QTRT2: variants seen among roughly 807,000 people sequenced by gnomAD.
The protein encoded by QTRT2 is queuine tRNA-ribosyltransferase accessory subunit 2, also known as queuine tRNA-ribosyltransferase domain containing 1.
QTRT2 carries 32 observed loss-of-function variants against 44.8 expected under a neutral mutation model. That is an observed-to-expected ratio of 0.71 (90% confidence interval 0.54 to 0.96). The LOEUF is 0.96. Ranked by LOEUF, QTRT2 falls within the 40% of genes least tolerant of loss-of-function variation. The probability of loss-of-function intolerance (pLI) is 0.00; values close to 1 mark genes in which losing one functional copy is unlikely to be tolerated. For missense variants in QTRT2, 461 were observed against 503.1 expected (o/e 0.92, Z 0.80); for synonymous variants, 182 against 187.4 (o/e 0.97, Z 0.24).
At chr3:114,067,396 G>A (rs1542659) in intron 4 of QTRT2, among the ~76,000 whole-genome samples, 82,425 of 151,866 alleles carry the variant, frequency 0.54, 22,728 homozygotes, top group African/African-American at 0.63. Context: ...ATGATATTTA[G>A]GCACATGGTT....
intron 6 of QTRT2, among the ~76,000 whole-genome samples, chr3:114,073,762 C>CT (rs2077054264): frequency 6.6e-6 from 1 of 151,732 alleles, no homozygotes. Flanking sequence ...TAATAGTGCC[C>CT]CCCCATTCTT....
chr3:114,066,344 G>A, intron 4 of QTRT2, 61 bp downstream of exon 4: 1 of 959,002 alleles, frequency 1.0e-6, no homozygotes, highest in Non-Finnish European at 1.7e-6. Context: ...TGGAGGTGCT[G>A]TTACCTCTTT....
rs912351629 is a variant in QTRT2, at chr3:114,086,864, T to C, written c.*960T>C. 2 of 152,250 alleles carry C rather than the reference T, an allele frequency of 1.3e-5. No homozygotes were observed. The highest frequency in any genetic ancestry group is 1.3e-4 in the Admixed American group (2 of 15,288). The allele number at this position is 152,250 out of a possible 1,614,324, so 9.4% of individuals were successfully genotyped here. On this transcript the variant is annotated 3_prime_UTR_variant, in exon 10 of 10. Transcript: ENST00000281273. ...TAATGGATAGGAATGAATGAACTTT[T>C]AAGATACTGTCTAGCTCTAAAATTG...
intron 5 of QTRT2, among the ~76,000 whole-genome samples, chr3:114,069,515 A>G (rs2076997405): frequency 6.6e-6 from 1 of 152,054 alleles, no homozygotes; most frequent in Non-Finnish European, 1.5e-5. Context: ...CTGTTCCTGC[A>G]TTTGTTTGCT....
At chr3:114,080,978 A>G (rs770979649) in intron 8 of QTRT2, among the ~76,000 whole-genome samples, 1 of 152,230 alleles carries the variant, frequency 6.6e-6, no homozygotes, top group African/African-American at 2.4e-5. Flanking sequence ...GTCCTTTTAG[A>G]CAGACCAGAA....
At chr3:114,076,667 A>C (rs1341283879) in intron 6 of QTRT2, 76 bp from the exon 7 acceptor site, 4 of 1,385,864 alleles carry the variant, frequency 2.9e-6, no homozygotes, top group Non-Finnish European at 4.1e-6. Flanking sequence ...TATACATTGG[A>C]CTTCCATGTA....
chr3:114,076,318 C>T (rs907613115), intron 6 of QTRT2, among the ~76,000 whole-genome samples: 3 of 152,166 alleles, frequency 2.0e-5, no homozygotes, highest in Non-Finnish European at 2.9e-5. Context: ...AGGCACAAGC[C>T]ACCGTGCCCA....
Position 114,056,738 on chromosome 3 carries a change from G to C in QTRT2, c.-256G>C, listed in dbSNP as rs1262793576. 6.5e-6 allele frequency: 9 copies of C among 1,394,290 alleles called. No homozygotes were observed. In the East Asian group the frequency reaches 2.0e-4, roughly 31 times the overall value. 86.4% of individuals were successfully genotyped at this position (1,394,290 alleles called of 1,614,324 possible). ...TTTTCTGGCGCCCAGTGATGACGCA[G>C]TACTCCCTGATTGGCTCTGCACTGG... On this transcript the variant is annotated 5_prime_UTR_variant, in exon 1 of 10. Transcript: ENST00000281273.
intron 6 of QTRT2, among the ~76,000 whole-genome samples, chr3:114,075,412 C>T (rs1041809504): frequency 3.3e-5 from 5 of 151,100 alleles, no homozygotes; most frequent in Admixed American, 6.6e-5. Context: ...GGTTGGAGCT[C>T]ATTTTATGCT....
At chr3:114,062,742 G>A (rs1319102039) in intron 2 of QTRT2, among the ~76,000 whole-genome samples, 2 of 152,142 alleles carry the variant, frequency 1.3e-5, no homozygotes, top group African/African-American at 4.8e-5. Flanking sequence ...TTAATAAACT[G>A]GAGAAACGAG....
chr3:114,069,236 T>C (rs1270330542), intron 5 of QTRT2, among the ~76,000 whole-genome samples: 1 of 152,162 alleles, frequency 6.6e-6, no homozygotes, highest in East Asian at 1.9e-4. Context: ...AGAATTTTTT[T>C]TTCCCTTTTT....
rs2077101913 is a variant in QTRT2, at chr3:114,077,128, C to T, written c.746+186C>T. 8.3e-6 allele frequency: 5 copies of T among 599,470 alleles called. No homozygotes were observed. In the South Asian group the frequency reaches 1.0e-4, roughly 12 times the overall value. 37.1% of individuals were successfully genotyped at this position (599,470 alleles called of 1,614,324 possible). ...GGAGTTTCCATCAAGGCTGTCCTGG[C>T]CTTGATTTCAGAATGTAGAGTAGAG... is the stretch of plus-strand genomic sequence containing the variant. On this transcript the variant is annotated intron_variant, in intron 7 of 9. Coordinates refer to ENST00000281273, the MANE Select transcript of QTRT2 (RefSeq NM_024638.4).
chr3:114,060,499 GATAGATAGATAGATAGATA>G (rs777316555), intron 2 of QTRT2, among the ~76,000 whole-genome samples: 2 of 45,478 alleles, frequency 4.4e-5, no homozygotes, highest in Non-Finnish European at 1.1e-4. Flanking sequence ...TAGGTAGGTA[GATAGATAGATAGATAGATA>G]GATAGATAGA....
chr3:114,067,920 C>T (rs2076974961), intron 4 of QTRT2, 67 bp from the exon 5 acceptor site: 1 of 1,404,212 alleles, frequency 7.1e-7, no homozygotes, highest in Non-Finnish European at 1.0e-6. Context: ...CGAAGCTGCT[C>T]CCTGCTATAA....
intron 2 of QTRT2, among the ~76,000 whole-genome samples, chr3:114,059,465 T>A (rs2076853943): frequency 6.6e-6 from 1 of 152,250 alleles, no homozygotes; most frequent in African/African-American, 2.4e-5. Flanking sequence ...TGTGTATGTG[T>A]GTGTACTATT....
intron 2 of QTRT2, among the ~76,000 whole-genome samples, chr3:114,059,841 AC>A (rs2076858782): frequency 6.6e-6 from 1 of 152,244 alleles, no homozygotes; most frequent in Non-Finnish European, 1.5e-5. Context: ...GCCCCAAACA[AC>A]AGAAGTGAGT....
intron 5 of QTRT2, among the ~76,000 whole-genome samples, chr3:114,070,272 AAAAAAG>A (rs1443661441): frequency 6.6e-6 from 1 of 152,262 alleles, no homozygotes; most frequent in Non-Finnish European, 1.5e-5. Context: ...GTATCAATAA[AAAAAAG>A]AAAAAGAAAT....
At chr3:114,083,436 A>G (rs2077194412) in intron 9 of QTRT2, among the ~76,000 whole-genome samples, 1 of 152,192 alleles carries the variant, frequency 6.6e-6, no homozygotes, top group East Asian at 1.9e-4. Flanking sequence ...TCCTTTGAGC[A>G]TCATGTTAGT....
chr3:114,060,688 C>G (rs2076874547), intron 2 of QTRT2, among the ~76,000 whole-genome samples: 1 of 151,986 alleles, frequency 6.6e-6, no homozygotes. Context: ...AGATGTTAGT[C>G]ACCTCGGCAA....
Sources: gnomAD v4.1 joint callset for allele counts (sites outside exome capture counted in the v4.1 genomes callset) on GRCh38, gnomAD v4.1.1 for gene constraint, MANE v1.5 for transcripts, NCBI Gene and HGNC (gene_info 2026-07-23, HGNC 2026-07-21) for gene names.